Variants in GALNT9 observed in about 807,000 individuals in gnomAD.
GALNT9 encodes polypeptide N-acetylgalactosaminyltransferase 9.
GALNT9 carries 47 observed loss-of-function variants against 63.1 expected under a neutral mutation model. The observed-to-expected ratio is 0.75, with a 90% CI of 0.59 to 0.95. The LOEUF (loss-of-function observed/expected upper bound fraction) is 0.95. GALNT9 is among the 40% of genes least tolerant of loss of function. The probability of loss-of-function intolerance (pLI) is 0.00; values close to 1 mark genes in which losing one functional copy is unlikely to be tolerated. For missense variants in GALNT9, 829 were observed against 874.8 expected, an observed-to-expected ratio of 0.95 and a Z score of 0.66; for synonymous variants, 396 against 365.7, an observed-to-expected ratio of 1.08 and a Z score of -0.94.
chr12:132,197,596 C>A (rs932224392), intron 10 of GALNT9, among the ~76,000 whole-genome samples, 196 bp downstream of exon 10: 1 of 148,954 alleles, frequency 6.7e-6, no homozygotes, highest in East Asian at 1.9e-4. Flanking sequence ...GCTGTGTGAC[C>A]CTGACCAGTC....
intron 6 of GALNT9, chr12:132,205,328 G>C (rs754366567): frequency 1.3e-5 from 2 of 152,244 alleles, no homozygotes; most frequent in Non-Finnish European, 2.9e-5. Context: ...CCCAGGGAGA[G>C]AGAGAACCGG....
chr12:132,241,341 C>T (rs1555237092), intron 6 of GALNT9, among the ~76,000 whole-genome samples: 1 of 47,630 alleles, frequency 2.1e-5, no homozygotes, highest in Admixed American at 1.7e-4. Flanking sequence ...ATTACACACA[C>T]GCCACACCCC....
chr12:132,280,011 C>G (rs1555241559), intron 2 of GALNT9: 1 of 152,454 alleles, frequency 6.6e-6, no homozygotes, highest in East Asian at 1.9e-4. Context: ...GCCAAATCTC[C>G]TGAATTCACT....
At chr12:132,240,296 C>A (rs1878199149) in intron 6 of GALNT9, among the ~76,000 whole-genome samples, 1 of 152,154 alleles carries the variant, frequency 6.6e-6, no homozygotes, top group African/African-American at 2.4e-5. Context: ...CGTGCCCCTC[C>A]CTGTAGCCCC....
intron 1 of GALNT9, among the ~76,000 whole-genome samples, chr12:132,304,841 G>A (rs368035875): frequency 1.4e-3 from 38 of 27,028 alleles, no homozygotes; most frequent in East Asian, 6.3e-3. Context: ...CCTCGCCCGG[G>A]CACACCCTCA....
At chr12:132,225,177 CCA>C (rs1422050996) in intron 6 of GALNT9, among the ~76,000 whole-genome samples, 3 of 147,606 alleles carry the variant, frequency 2.0e-5, no homozygotes, top group African/African-American at 7.6e-5. Context: ...ACCACACAAC[CCA>C]CACACTGTAC....
chr12:132,276,163 C>G (rs1880079029), intron 2 of GALNT9: 1 of 152,662 alleles, frequency 6.6e-6, no homozygotes, highest in South Asian at 2.1e-4. Flanking sequence ...CAAAGACCAC[C>G]CAGTGGGAGT....
chr12:132,220,063 T>C (rs1877393198), intron 6 of GALNT9, among the ~76,000 whole-genome samples: 1 of 152,152 alleles, frequency 6.6e-6, no homozygotes, highest in Non-Finnish European at 1.5e-5. Context: ...GCTCATGGAG[T>C]TAAGCCACAA....
chr12:132,304,835 GCCCGGGCACACCCTCA>G (rs1555244430), intron 1 of GALNT9, among the ~76,000 whole-genome samples: 1 of 17,438 alleles, frequency 5.7e-5, no homozygotes, highest in Non-Finnish European at 9.9e-5. Context: ...GCACACCCTC[GCCCGGGCACACCCTCA>G]CCCGGGCACA....
rs1555246809 is a variant in GALNT9 at position 132,329,511 on chromosome 12, G to A, written c.-308C>T. Reference sequence around the variant, plus strand: ...GGGGCGCCGGGGGGCGGCGGGGAAGGCGCGGGCGGGCGGCGCTCGGTGTCT... The same window carrying A: ...GGGGCGCCGGGGGGCGGCGGGGAAGACGCGGGCGGGCGGCGCTCGGTGTCT... On this transcript the variant is annotated 5_prime_UTR_variant, in exon 1 of 11. Transcript: ENST00000328957. 1.4e-5 allele frequency among the ~76,000 whole-genome samples: 2 copies of A among 147,448 alleles called. No homozygotes were observed. The highest frequency in any genetic ancestry group is 4.9e-5 in the African/African-American group (2 of 40,894).
chr12:132,276,724 G>A (rs1248113324), intron 2 of GALNT9, among the ~76,000 whole-genome samples: 2 of 152,164 alleles, frequency 1.3e-5, no homozygotes, highest in East Asian at 3.8e-4. Flanking sequence ...TATCCCATGG[G>A]CCAGTCTTAA....
At chr12:132,251,045 C>A (rs1878897489) in intron 5 of GALNT9, among the ~76,000 whole-genome samples, 1 of 152,210 alleles carries the variant, frequency 6.6e-6, no homozygotes, top group African/African-American at 2.4e-5. Flanking sequence ...CGTCCTTCCA[C>A]ACGGAGTTTG....
rs189747182 is a variant in GALNT9, at chr12:132,290,240, G to A, written c.239-3810C>T. 4.3e-3 allele frequency among the ~76,000 whole-genome samples: 648 copies of A among 152,176 alleles called. 2 individuals are homozygous for A. Among genetic ancestry groups the A allele is most frequent in the African/African-American group, 0.014 (600 of 41,504 alleles). On this transcript the variant is annotated intron_variant, in intron 1 of 10. Transcript: ENST00000328957. Reference sequence around the variant, plus strand: ...CCTTGCAGAGCCAGGTGCCTGCCCCGTCTGCCCTCACCACACACAGAGCCC... The same window carrying A: ...CCTTGCAGAGCCAGGTGCCTGCCCCATCTGCCCTCACCACACACAGAGCCC...
chr12:132,328,172 C>T (rs782645073), intron 1 of GALNT9, among the ~76,000 whole-genome samples: 1 of 152,214 alleles, frequency 6.6e-6, no homozygotes, highest in Non-Finnish European at 1.5e-5. Flanking sequence ...TGCTTGCTCT[C>T]AGCAGCTGTG....
chr12:132,298,162 C>A (rs954930678), intron 1 of GALNT9, among the ~76,000 whole-genome samples: 1 of 152,052 alleles, frequency 6.6e-6, no homozygotes, highest in Non-Finnish European at 1.5e-5. Flanking sequence ...CTCATGATAA[C>A]CAACCCATTA....
At chr12:132,240,405 G>C in intron 6 of GALNT9, 1 of 352,684 alleles carries the variant, frequency 2.8e-6, no homozygotes, top group South Asian at 2.1e-5. Flanking sequence ...GGACCCTTTG[G>C]CTTCCAGCCT....
In GALNT9 at chr12:132,302,229, T is replaced by TACACACACACACACACACAC. The variant is rs56317485; in HGVS notation, c.239-15819_239-15800dup. ...CATAAATGCTTTTGGTAGAAAATTC[T>TACACACACACACACACACAC]ACACACACACACACACACACACACA... On this transcript the variant is annotated intron_variant, in intron 1 of 10. Transcript: ENST00000328957. Among the ~76,000 whole-genome samples, 354 of 143,798 alleles carry TACACACACACACACACACAC rather than the reference T, an allele frequency of 2.5e-3. 3 individuals carry two copies. The highest frequency in any genetic ancestry group is 3.7e-3 in the Non-Finnish European group (245 of 65,950). 94.3% of individuals were successfully genotyped at this position (143,798 alleles called of 152,430 possible).
rs1204959749 is a variant in GALNT9, at chr12:132,224,790, TCA to T, written c.1078-21102_1078-21101del. Among the ~76,000 whole-genome samples, 129 of 76,212 alleles carry T rather than the reference TCA, an allele frequency of 1.7e-3. 1 individual carries two copies. The highest frequency in any genetic ancestry group is 7.0e-3 in the African/African-American group (127 of 18,132). 50.0% of individuals were successfully genotyped at this position (76,212 alleles called of 152,430 possible). A position where few individuals can be genotyped will look rare whatever the true frequency, so the allele number is the denominator to read the frequency against. On this transcript the variant is annotated intron_variant, in intron 6 of 10. Transcript: ENST00000328957. Reference sequence around the variant, plus strand: ...TGTACACACCCCACACACATACATCTCATACACACACCCCACACACATACACA... The same window carrying T: ...TGTACACACCCCACACACATACATCTTACACACACCCCACACACATACACA...
At chr12:132,260,874 G>A (rs898899421) in intron 4 of GALNT9, 74 bp downstream of exon 4, 227 of 1,442,324 alleles carry the variant, frequency 1.6e-4, no homozygotes, top group African/African-American at 3.3e-4. Context: ...GGCTGCAGCC[G>A]CACGGCGGCT....
Sources: allele counts gnomAD v4.1 joint callset (sites outside exome capture counted in the v4.1 genomes callset), GRCh38; gene constraint gnomAD v4.1.1; transcripts MANE v1.5; gene names NCBI Gene and HGNC (gene_info 2026-07-23, HGNC 2026-07-21).